IRS1: variants seen among roughly 807,000 people sequenced by gnomAD.
IRS1 encodes insulin receptor substrate 1.
Under a neutral mutation model 65.6 loss-of-function variants are expected in IRS1, and 34 were observed. That is an observed-to-expected ratio of 0.52 (90% confidence interval 0.39 to 0.69). IRS1 has a LOEUF of 0.69. Ranked by LOEUF, IRS1 falls within the 30% of genes least tolerant of loss-of-function variation. The pLI is 0.00. For missense variants in IRS1, 1,641 were observed against 1,720.2 expected (o/e 0.95, Z 0.81); for synonymous variants, 699 against 683.5 (o/e 1.02, Z -0.35).
At chr2:226,743,553 C>G (rs1157409388) in intron 1 of IRS1, among the ~76,000 whole-genome samples, 3 of 152,156 alleles carry the variant, frequency 2.0e-5, no homozygotes, top group Non-Finnish European at 4.4e-5. Context: ...TTTAACAGAG[C>G]TCAACCAAAA....
chr2:226,797,766 G>T lies in IRS1; in HGVS notation c.973C>A (p.Arg325Ser). 6.3e-7 allele frequency: 1 copy of T among 1,595,854 alleles called. No individual in the cohort carries two copies. Among genetic ancestry groups the T allele is most frequent in the Non-Finnish European group, 8.5e-7 (1 of 1,174,992 alleles). Reference protein sequence around the residue: ...SMVGGKPGSFRVRASSDGEGT... With the variant: ...SMVGGKPGSFSVRASSDGEGT... ...TCGCCGTCACTGGAGGCGCGGACAC[G>T]GAAGGAGCCTGGCTTCCCGCCCACC... The change falls in exon 1 of 2, where the codon CGT (arginine) becomes AGT (serine). Residue 325 changes from arginine (R) to serine (S), a missense_variant. Physicochemically the swap from Arg to Ser is moderately radical, Grantham distance 110. Coordinates refer to ENST00000305123, the MANE Select transcript of IRS1 (RefSeq NM_005544.3). The surrounding 1 kb of genome is among the most constrained non-coding windows in gnomAD (Gnocchi z 8.1).
Position 226,737,964 on chromosome 2 carries a change from G to A in IRS1, c.*22-1714C>T, listed in dbSNP as rs77328840. Among the ~76,000 whole-genome samples, 942 of 152,322 alleles carry A rather than the reference G, an allele frequency of 6.2e-3. 7 individuals are homozygous for A. The highest frequency in any genetic ancestry group is 0.021 in the African/African-American group (877 of 41,570). ...GGTCCTACAGGGTGAGATGGTAGCC[G>A]TGAGCAGGCTCAAGTAGAGGATGTG... On this transcript the variant is annotated intron_variant, in intron 1 of 1. Coordinates refer to ENST00000305123, the MANE Select transcript of IRS1 (RefSeq NM_005544.3).
intron 1 of IRS1, among the ~76,000 whole-genome samples, chr2:226,782,627 G>T (rs1939404742): frequency 6.6e-6 from 1 of 152,172 alleles, no homozygotes; most frequent in Admixed American, 6.5e-5. Context: ...ACAGTGGGAA[G>T]ATATCCCCTG....
chr2:226,798,598 G>A lies in IRS1; in HGVS notation c.141C>T (p.Tyr47=), dbSNP rs894297593. 8 of 1,613,484 alleles carry A rather than the reference G, an allele frequency of 5.0e-6. No homozygotes were observed. In the East Asian group the frequency reaches 1.1e-4, roughly 22 times the overall value. The change falls in exon 1 of 2, where the codon TAC becomes TAT. Residue 47 remains tyrosine, a synonymous_variant. Transcript: ENST00000305123. This position sits in a 1 kb window ranked among gnomAD's most constrained non-coding sequence, Gnocchi z 9.4. Reference sequence around the variant, plus strand: ...TGTGCCGCCACTTCTTCTCGTTCTCGTAGTACTCGAGGCGCGCCGGGCCCC... The same window carrying A: ...TGTGCCGCCACTTCTTCTCGTTCTCATAGTACTCGAGGCGCGCCGGGCCCC... ...EAGGPARLEY[Y]ENEKKWRHKS...
rs767551071 is a variant in IRS1 at position 226,796,116 on chromosome 2, G to C, written c.2623C>G (p.Arg875Gly). 4.3e-6 allele frequency: 7 copies of C among 1,613,544 alleles called. No individual in the cohort carries two copies. Among genetic ancestry groups the C allele is most frequent in the East Asian group, 2.2e-5 (1 of 44,876 alleles). The change falls in exon 1 of 2, where the codon CGA becomes GGA. Residue 875 changes from arginine (R) to glycine (G), a missense_variant. Arg to Gly is a moderately radical substitution (Grantham distance 125). This residue lies in a region of IRS1 where 1,324 missense variants were observed against 1,361.0 expected (regional missense o/e 0.97). Transcript: ENST00000305123. ...DPKASTLPRA[R>G]EQQQQQQPLL... ...GGCTGCTGCTGCTGCTGCTGCTCTC[G>C]GGCCCGAGGTAAGGTGCTGGCCTTG... is the stretch of plus-strand genomic sequence containing the variant.
chr2:226,735,246 T>C lies in IRS1; in HGVS notation c.*1026A>G, dbSNP rs1938303509. Reference sequence around the variant, plus strand: ...GAAAAGATCAACAGTATCTAGTTTATTATGAATAGAAAGACATTTCCAGAA... The same window carrying C: ...GAAAAGATCAACAGTATCTAGTTTACTATGAATAGAAAGACATTTCCAGAA... On this transcript the variant is annotated 3_prime_UTR_variant, in exon 2 of 2. Transcript: ENST00000305123. 1 of 152,180 alleles carries C rather than the reference T, an allele frequency of 6.6e-6. No homozygotes were observed. The highest frequency in any genetic ancestry group is 6.5e-5 in the Admixed American group (1 of 15,272). 9.4% of individuals were successfully genotyped at this position (152,180 alleles called of 1,614,324 possible). A position where few individuals can be genotyped will look rare whatever the true frequency, so the allele number is the denominator to read the frequency against.
At chr2:226,793,351 A>G (rs754188337) in intron 1 of IRS1, among the ~76,000 whole-genome samples, 1 of 152,224 alleles carries the variant, frequency 6.6e-6, no homozygotes, top group Non-Finnish European at 1.5e-5. Context: ...ACAAATGCTT[A>G]AAGTGTTGAG....
At chr2:226,777,116 A>G (rs560364520) in intron 1 of IRS1, among the ~76,000 whole-genome samples, 1 of 152,320 alleles carries the variant, frequency 6.6e-6, no homozygotes, top group East Asian at 1.9e-4. Flanking sequence ...AAACAAGGAC[A>G]TTAGGGGAAA....
rs1280540903 is a variant in IRS1, at chr2:226,736,025, T to C, written c.*247A>G. 1 of 152,294 alleles carries C rather than the reference T, an allele frequency of 6.6e-6. No homozygotes were observed. The highest frequency in any genetic ancestry group is 2.4e-5 in the African/African-American group (1 of 41,100). The allele number at this position is 152,294 out of a possible 1,614,324, so 9.4% of individuals were successfully genotyped here. ...AGATGAAGTTTATGCAGACTCATTA[T>C]TCTGGTGTCACAGTGCATTTTTTTT... On this transcript the variant is annotated 3_prime_UTR_variant, in exon 2 of 2. Transcript: ENST00000305123.
intron 1 of IRS1, among the ~76,000 whole-genome samples, chr2:226,740,960 A>G (rs961234753): frequency 6.6e-6 from 1 of 152,180 alleles, no homozygotes; most frequent in Non-Finnish European, 1.5e-5. Flanking sequence ...TCAAAACAGC[A>G]TATTTCTCTT....
chr2:226,734,054 G>A lies in IRS1; in HGVS notation c.*2218C>T, dbSNP rs1230377190. ...ATAATAACCAGCTTTACAGGAAAAT[G>A]GTTGGGAGTGACTTTGTTCATTGAT... On this transcript the variant is annotated 3_prime_UTR_variant, in exon 2 of 2. Transcript: ENST00000305123. 6.6e-6 allele frequency: 1 copy of A among 152,110 alleles called. No individual in the cohort carries two copies. The highest frequency in any genetic ancestry group is 1.5e-5 in the Non-Finnish European group (1 of 68,002). The allele number at this position is 152,110 out of a possible 1,614,324, so 9.4% of individuals were successfully genotyped here.
In IRS1 at chr2:226,733,121, A is replaced by G. The variant is rs1938262871; in HGVS notation, c.*3151T>C. ...TATAAAGTTTCCGACTTTGTGGTAT[A>G]TTGTATTCAAGATGCAAGATTGAAT... is the stretch of plus-strand genomic sequence containing the variant. On this transcript the variant is annotated 3_prime_UTR_variant, in exon 2 of 2. Transcript: ENST00000305123. The G allele has an allele frequency of 6.6e-6, 1 of 152,184 alleles. No homozygotes were observed. 9.4% of individuals were successfully genotyped at this position (152,184 alleles called of 1,614,324 possible). A position where few individuals can be genotyped will look rare whatever the true frequency, so the allele number is the denominator to read the frequency against.
At chr2:226,773,294 G>T (rs1189502978) in intron 1 of IRS1, among the ~76,000 whole-genome samples, 1 of 152,192 alleles carries the variant, frequency 6.6e-6, no homozygotes, top group Non-Finnish European at 1.5e-5. Context: ...TGTATATATA[G>T]AAACAGCTGG....
Position 226,796,688 on chromosome 2 carries a change from C to T in IRS1, c.2051G>A (p.Ser684Asn). The change falls in exon 1 of 2, where the codon AGC becomes AAC. Residue 684 changes from serine (S) to asparagine (N), a missense_variant. Ser to Asn is a conservative substitution (Grantham distance 46). Around this residue, in one of 3 missense-constraint regions of IRS1, gnomAD observed 1,324 missense variants for 1,361.0 expected, o/e 0.97. Transcript: ENST00000305123. ...CCCGGAAGGGACGGCGTTGCTGCTG[C>T]TGCTGCTGCTGCTGGGGCCACCTCC... ...DIGGGPSSSS[S>N]SSNAVPSGTS... 6.2e-7 allele frequency: 1 copy of T among 1,613,624 alleles called. No individual in the cohort carries two copies. Among genetic ancestry groups the T allele is most frequent in the South Asian group, 1.1e-5 (1 of 91,078 alleles).
At chr2:226,736,465 A>T (rs1275458298) in intron 1 of IRS1, among the ~76,000 whole-genome samples, 1 of 152,230 alleles carries the variant, frequency 6.6e-6, no homozygotes, top group Admixed American at 6.5e-5. Flanking sequence ...AAAAGTCATC[A>T]ATGTGGAATC....
chr2:226,772,632 A>T (rs957983013), intron 1 of IRS1, among the ~76,000 whole-genome samples: 1 of 151,982 alleles, frequency 6.6e-6, no homozygotes, highest in Admixed American at 6.6e-5. Context: ...TCAAGACAGG[A>T]AAAATGATGC....
Position 226,795,940 on chromosome 2 carries a change from C to T in IRS1, c.2799G>A (p.Glu933=), listed in dbSNP as rs375107533. The change falls in exon 1 of 2, where the codon GAG becomes GAA. Residue 933 remains glutamate, a synonymous_variant. Coordinates refer to ENST00000305123, the MANE Select transcript of IRS1 (RefSeq NM_005544.3). ...CPSQLQPAPR[E]EETGTEEYMK... is the part of the protein sequence containing the mutation. ...TGTACTCCTCAGTGCCAGTCTCTTCCTCTCTGGGAGCTGGCTGGAGCTGGG... is the reference window on the plus strand; with the variant it reads ...TGTACTCCTCAGTGCCAGTCTCTTCTTCTCTGGGAGCTGGCTGGAGCTGGG... The T allele has an allele frequency of 1.2e-5, 19 of 1,613,990 alleles. No homozygotes were observed. In the African/African-American group the frequency reaches 2.4e-4, roughly 20 times the overall value.
intron 1 of IRS1, among the ~76,000 whole-genome samples, chr2:226,782,819 G>A (rs912541892): frequency 6.6e-5 from 10 of 152,184 alleles, no homozygotes; most frequent in African/African-American, 2.2e-4. Flanking sequence ...TGGCCAACAT[G>A]GTGAAACCCC....
Position 226,799,684 on chromosome 2 carries a change from G to C in IRS1, c.-946C>G. The stretch of plus-strand genomic sequence containing the variant: ...CTCCCTCCTCCTCCTCCTCCTCGGA[G>C]AGTTGCCGAGAGCCCCAACCAAAAC... On this transcript the variant is annotated 5_prime_UTR_variant, in exon 1 of 2. Transcript: ENST00000305123. This position sits in a 1 kb window ranked among gnomAD's most constrained non-coding sequence, Gnocchi z 6.1. The C allele has an allele frequency of 1.0e-6, 1 of 1,000,370 alleles. No homozygotes were observed. The highest frequency in any genetic ancestry group is 1.2e-6 in the Non-Finnish European group (1 of 830,374). 62.0% of individuals were successfully genotyped at this position (1,000,370 alleles called of 1,614,324 possible).
Sources: gnomAD v4.1 joint callset for allele counts (sites outside exome capture counted in the v4.1 genomes callset) on GRCh38, gnomAD v4.1.1 for gene constraint, gnomAD v4.1.1 regional missense constraint, Gnocchi (gnomAD v3.1) non-coding constraint, MANE v1.5 for transcripts, NCBI Gene and HGNC (gene_info 2026-07-23, HGNC 2026-07-21) for gene names.